The following STRN3 variants were observed in gnomAD, a reference collection of about 807,000 sequenced individuals.
STRN3 encodes striatin-3.
Under a neutral mutation model 95.6 loss-of-function variants are expected in STRN3, and 29 were observed. The observed-to-expected ratio is 0.30, with a 90% confidence interval of 0.23 to 0.41. STRN3 has a LOEUF of 0.41. Among genes scored for constraint, STRN3 ranks in the 10% least tolerant of loss-of-function variants. The pLI is 1.00. For synonymous variants in STRN3, 331 were observed against 357.6 expected (o/e 0.93, Z 0.84); for missense variants, 890 against 972.1 (o/e 0.92, Z 1.12).
At chr14:30,922,859 G>GATTAA (rs3032563) in intron 8 of STRN3, among the ~76,000 whole-genome samples, 130,167 of 151,664 alleles carry the variant, frequency 0.86, 56,073 homozygotes, top group East Asian at 0.98. Flanking sequence ...AAAGTGCACT[G>GATTAA]ATTAGAGTAT....
chr14:30,903,418 A>G (rs1896377660), intron 15 of STRN3, among the ~76,000 whole-genome samples: 1 of 152,114 alleles, frequency 6.6e-6, no homozygotes, highest in African/African-American at 2.4e-5. Context: ...TTTTTTGTTT[A>G]AGAGACAAGG....
chr14:30,959,809 T>A (rs1437252451), intron 1 of STRN3, among the ~76,000 whole-genome samples: 2 of 151,454 alleles, frequency 1.3e-5, no homozygotes, highest in Non-Finnish European at 2.9e-5. Context: ...CTATAACAGA[T>A]AAAAGTAACT....
intron 1 of STRN3, among the ~76,000 whole-genome samples, chr14:30,984,744 C>T (rs954838079): frequency 1.1e-4 from 17 of 152,078 alleles, no homozygotes; most frequent in Admixed American, 9.8e-4. Flanking sequence ...CACCACTGCA[C>T]TCCACTCCAG....
At chr14:30,968,641 C>T (rs964928847) in intron 1 of STRN3, among the ~76,000 whole-genome samples, 8 of 149,670 alleles carry the variant, frequency 5.3e-5, no homozygotes, top group East Asian at 2.0e-4. Context: ...AAGGCACCAC[C>T]GCACTCCAGC....
At position 30,929,222 on chromosome 14, in the gene STRN3, T is replaced by C. The variant is rs760642512; in HGVS notation, c.1078A>G (p.Lys360Glu). Residue 360 changes from lysine to glutamate, a missense_variant, in exon 8 of 18, where the codon AAG becomes GAG. By Grantham distance (56) the Lys-to-Glu change is moderately conservative. This residue lies in a region of STRN3 where 526 missense variants were observed against 526.3 expected (regional missense o/e 1.00). Coordinates refer to ENST00000357479, the MANE Select transcript of STRN3 (RefSeq NM_001083893.2). ...TTACTCTTCACCCCTTTCTTCCCCT[T>C]TCGTTCCTTCTTGTACTGTTCCTTC... ...KLKEQYKKER[K>E]GKKGVKRANR... is the part of the protein sequence containing the mutation. The C allele has an allele frequency of 1.9e-6, 3 of 1,610,276 alleles. No homozygotes were observed. The highest frequency in any genetic ancestry group is 1.1e-5 in the South Asian group (1 of 90,212).
At position 30,921,069 on chromosome 14, in the gene STRN3, T is replaced by TACACACACACACACACAC. The variant is rs367677158; in HGVS notation, c.1100-1964_1100-1963insGTGTGTGTGTGTGTGTGT. ...GGTGAGAAGGCTTTCTACACATACATATACACACACACACACACACACACA... is the reference window on the plus strand; with the variant it reads ...GGTGAGAAGGCTTTCTACACATACATACACACACACACACACACATACACACACACACACACACACACA... On this transcript the variant is annotated intron_variant, in intron 8 of 17. Transcript: ENST00000357479. 1.4e-3 allele frequency among the ~76,000 whole-genome samples: 166 copies of TACACACACACACACACAC among 119,938 alleles called. No homozygotes were observed. The East Asian group carries it at 0.016, about 11-fold the overall frequency. The allele number at this position is 119,938 out of a possible 152,430, so 78.7% of individuals were successfully genotyped here.
At chr14:30,935,418 A>G (rs1178688669) in intron 6 of STRN3, 114 bp from the exon 7 acceptor site, 1 of 1,160,388 alleles carries the variant, frequency 8.6e-7, no homozygotes, top group Non-Finnish European at 1.2e-6. Flanking sequence ...TGGATCAAAA[A>G]TTTTAGATCT....
intron 5 of STRN3, among the ~76,000 whole-genome samples, chr14:30,945,649 C>T (rs1879324957): frequency 1.3e-5 from 2 of 151,954 alleles, no homozygotes. Context: ...ATAAACCAAA[C>T]GTAGTATATC....
At chr14:30,996,852 C>A (rs1055294354) in intron 1 of STRN3, among the ~76,000 whole-genome samples, 1 of 149,558 alleles carries the variant, frequency 6.7e-6, no homozygotes, top group Non-Finnish European at 1.5e-5. Context: ...GGTGACAGAG[C>A]GAGACTCCAT....
intron 5 of STRN3, among the ~76,000 whole-genome samples, chr14:30,940,869 T>C (rs1566447472): frequency 1.3e-5 from 2 of 152,196 alleles, no homozygotes; most frequent in African/African-American, 4.8e-5. Context: ...ACTGTCTACA[T>C]GGGTGCCATG....
At chr14:30,913,737 T>C in intron 9 of STRN3, 80 bp from the exon 10 acceptor site, 1 of 1,447,160 alleles carries the variant, frequency 6.9e-7, no homozygotes, top group Non-Finnish European at 9.3e-7. Flanking sequence ...TTTAAGCACT[T>C]AACAGTTACA....
intron 13 of STRN3, among the ~76,000 whole-genome samples, chr14:30,907,729 GT>G (rs1414992585): frequency 6.6e-6 from 1 of 152,162 alleles, no homozygotes; most frequent in Non-Finnish European, 1.5e-5. Context: ...GTTGGAGCAT[GT>G]ATCAGTACTC....
At chr14:30,984,863 G>GCTTA (rs1368376930) in intron 1 of STRN3, among the ~76,000 whole-genome samples, 1 of 152,050 alleles carries the variant, frequency 6.6e-6, no homozygotes, top group Non-Finnish European at 1.5e-5. Flanking sequence ...AACTCTAACA[G>GCTTA]CTTAATTTGT....
intron 1 of STRN3, among the ~76,000 whole-genome samples, chr14:31,005,124 G>A (rs1367606752): frequency 6.6e-6 from 1 of 152,136 alleles, no homozygotes; most frequent in East Asian, 1.9e-4. Flanking sequence ...ATGAGGTCAG[G>A]AGTTCGAGAC....
intron 1 of STRN3, among the ~76,000 whole-genome samples, chr14:31,000,105 A>T (rs1882375474): frequency 6.6e-6 from 1 of 152,228 alleles, no homozygotes; most frequent in Non-Finnish European, 1.5e-5. Context: ...TTGCTAACAG[A>T]CTTACCCTAA....
intron 9 of STRN3, among the ~76,000 whole-genome samples, chr14:30,917,140 A>G (rs1453971784): frequency 6.6e-6 from 1 of 152,230 alleles, no homozygotes; most frequent in South Asian, 2.1e-4. Flanking sequence ...CTGCCTTCTT[A>G]GCTTGAAGTC....
In STRN3 at chr14:30,981,218, G is replaced by C. The variant is rs151156545; in HGVS notation, c.283-24976C>G. On this transcript the variant is annotated intron_variant, in intron 1 of 17. Transcript: ENST00000357479. ...TAATCCCAGCTACTTGAGAGGCTGA[G>C]GTGGGAGGACCACTGGAGCCCAGGA... Among the ~76,000 whole-genome samples the C allele has an allele frequency of 1.1e-4, 17 of 151,328 alleles. No individual in the cohort carries two copies. The East Asian group carries it at 2.8e-3, about 25-fold the overall frequency.
Position 30,908,515 on chromosome 14 carries a change from G to A in STRN3, c.1721-1471C>T, listed in dbSNP as rs1007836888. ...TTCATTCTTCAGTCTTAGCTGCAGC[G>A]TCCAAACTCTGTCTGGCCAAGACCT... On this transcript the variant is annotated intron_variant, in intron 13 of 17. Transcript: ENST00000357479. Among the ~76,000 whole-genome samples, 17 of 152,298 alleles carry A rather than the reference G, an allele frequency of 1.1e-4. No homozygotes were observed. The East Asian group carries it at 1.9e-3, about 17-fold the overall frequency.
At chr14:30,933,206 G>T (rs942573809) in intron 7 of STRN3, among the ~76,000 whole-genome samples, 2 of 148,834 alleles carry the variant, frequency 1.3e-5, no homozygotes, top group Admixed American at 6.7e-5. Context: ...TTGAGCCTGG[G>T]AGGTGAAGGT....
Sources: allele counts gnomAD v4.1 joint callset (sites outside exome capture counted in the v4.1 genomes callset), GRCh38; gene constraint gnomAD v4.1.1; regional missense constraint gnomAD v4.1.1; transcripts MANE v1.5; gene names NCBI Gene and HGNC (gene_info 2026-07-23, HGNC 2026-07-21).